Variants in PWWP3B observed in about 807,000 individuals in gnomAD.
PWWP3B encodes PWWP domain-containing DNA repair factor 3B.
A neutral mutation model predicts 15.7 loss-of-function variants in PWWP3B; 5 were observed. The ratio of observed to expected loss-of-function variants is 0.32; its 90% CI spans 0.17 to 0.67. The LOEUF (loss-of-function observed/expected upper bound fraction) is 0.67, where lower values mean the gene tolerates loss of function less well. Ranked by LOEUF, PWWP3B falls within the 30% of genes least tolerant of loss-of-function variation. The pLI is 0.74. For missense variants in PWWP3B, 519 were observed against 493.1 expected, an observed-to-expected ratio of 1.05 and a Z score of -0.50; for synonymous variants, 203 against 179.8, an observed-to-expected ratio of 1.13 and a Z score of -1.03.
chrX:106,206,011 C>G lies in PWWP3B; in HGVS notation c.579C>G (p.Cys193Trp). The part of the protein sequence containing the change: ...ETKSLQNSSW[C>W]ETFPSLSEDN... ...AGTCATTACAAAACTCTAGCTGGTG[C>G]GAGACTTTCCCTTCACTTTCGGAAG... is the stretch of plus-strand genomic sequence containing the variant. The change falls in exon 4 of 4, where the codon TGC becomes TGG. Residue 193 changes from cysteine to tryptophan, a missense_variant. Physicochemically the swap from Cys to Trp is radical, Grantham distance 215. Coordinates refer to ENST00000357175, the MANE Select transcript of PWWP3B (RefSeq NM_001171020.2). The G allele has an allele frequency of 4.1e-6, 5 of 1,207,713 alleles. No homozygotes were observed. The highest frequency in any genetic ancestry group is 5.6e-6 in the Non-Finnish European group (5 of 893,322).
At chrX:106,170,020 G>C (rs1289477689) in intron 1 of PWWP3B, among the ~76,000 whole-genome samples, 1 of 111,762 alleles carries the variant, frequency 8.9e-6, no homozygotes, top group Non-Finnish European at 1.9e-5. Context: ...CCAATTAATA[G>C]ACAGAATATT....
intron 2 of PWWP3B, among the ~76,000 whole-genome samples, chrX:106,182,245 G>T (rs780025758): frequency 8.9e-6 from 1 of 111,831 alleles, no homozygotes; most frequent in African/African-American, 3.3e-5. Flanking sequence ...GTGGTAGTAG[G>T]ATAATTAAGT....
At chrX:106,184,616 C>A (rs1270039846) in intron 2 of PWWP3B, among the ~76,000 whole-genome samples, 2 of 111,919 alleles carry the variant, frequency 1.8e-5, no homozygotes, top group East Asian at 5.6e-4. Context: ...AACTCTTGGG[C>A]TGCAGCTAAA....
rs751505691 is a variant in PWWP3B, at chrX:106,205,840, G to A, written c.408G>A (p.Lys136=). The part of the protein sequence containing the change: ...SDSPPHKKYR[K]DEGDLPGCLE... ...CACCCCCTCATAAAAAATACCGGAA[G>A]GATGAAGGTGACTTACCAGGGTGTC... is the stretch of plus-strand genomic sequence containing the variant. Residue 136 remains lysine, a synonymous_variant, in exon 4 of 4, where the codon AAG becomes AAA. Coordinates refer to ENST00000357175, the MANE Select transcript of PWWP3B (RefSeq NM_001171020.2). 3.3e-6 allele frequency: 4 copies of A among 1,211,455 alleles called. No homozygotes were observed. Among genetic ancestry groups the A allele is most frequent in the Non-Finnish European group, 4.5e-6 (4 of 895,373 alleles).
intron 2 of PWWP3B, among the ~76,000 whole-genome samples, chrX:106,193,176 G>A (rs1273696070): frequency 9.0e-6 from 1 of 111,244 alleles, no homozygotes; most frequent in Admixed American, 9.5e-5. Flanking sequence ...GGGAGTCTAA[G>A]TCTCTTCGTA....
intron 1 of PWWP3B, among the ~76,000 whole-genome samples, chrX:106,170,618 G>A (rs1356086293): frequency 3.6e-5 from 4 of 111,733 alleles, no homozygotes; most frequent in Non-Finnish European, 3.8e-5. Context: ...CTATGAGACA[G>A]CATGTAGAGT....
intron 2 of PWWP3B, among the ~76,000 whole-genome samples, chrX:106,189,958 G>A (rs1321058454): frequency 8.9e-6 from 1 of 112,544 alleles, no homozygotes; most frequent in Admixed American, 9.3e-5. Flanking sequence ...GGACATTTAG[G>A]TTGGTTCCAA....
chrX:106,191,470 A>G (rs1922955981), intron 2 of PWWP3B, among the ~76,000 whole-genome samples: 2 of 111,552 alleles, frequency 1.8e-5, no homozygotes, highest in South Asian at 7.6e-4. Flanking sequence ...TAGATATACA[A>G]TCATGTCATC....
At chrX:106,203,853 A>G (rs1356507962) in intron 2 of PWWP3B, 132 bp from the exon 3 acceptor site, 1 of 112,569 alleles carries the variant, frequency 8.9e-6, no homozygotes, top group Admixed American at 9.4e-5. Flanking sequence ...TAAACATGGC[A>G]TCTACATCAC....
Position 106,206,411 on chromosome X carries a change from G to A in PWWP3B, c.979G>A (p.Val327Ile), listed in dbSNP as rs1924027916. The A allele has an allele frequency of 1.7e-6, 2 of 1,208,252 alleles. No individual in the cohort carries two copies. The highest frequency in any genetic ancestry group is 2.2e-5 in the Admixed American group (1 of 45,487). The change falls in exon 4 of 4, where the codon GTC becomes ATC. Residue 327 changes from valine to isoleucine, a missense_variant. Physicochemically the swap from Val to Ile is conservative, Grantham distance 29. Coordinates refer to ENST00000357175, the MANE Select transcript of PWWP3B (RefSeq NM_001171020.2). ...GGTTTCATTTAGTGCCTCTAACCCT[G>A]TCTGGGATTATTCACATCTTATGAG... ...CEVSFSASNP[V>I]WDYSHLMSSE...
chrX:106,173,568 C>T (rs930655702), intron 2 of PWWP3B, among the ~76,000 whole-genome samples: 11 of 110,941 alleles, frequency 9.9e-5, no homozygotes, highest in Non-Finnish European at 1.9e-4. Flanking sequence ...CAATTATCAC[C>T]CATTGAAAAT....
At chrX:106,190,211 T>G (rs1194546906) in intron 2 of PWWP3B, among the ~76,000 whole-genome samples, 16 of 111,820 alleles carry the variant, frequency 1.4e-4, no homozygotes, top group Admixed American at 2.8e-4. Flanking sequence ...ACCTGTTGTT[T>G]CCTGACTTTT....
At chrX:106,187,520 C>T (rs1212657129) in intron 2 of PWWP3B, among the ~76,000 whole-genome samples, 1 of 111,440 alleles carries the variant, frequency 9.0e-6, no homozygotes, top group Non-Finnish European at 1.9e-5. Context: ...TACATTTTAC[C>T]AGGGATTATG....
At chrX:106,202,519 T>A (rs747689054) in intron 2 of PWWP3B, among the ~76,000 whole-genome samples, 1 of 111,234 alleles carries the variant, frequency 9.0e-6, no homozygotes, top group Admixed American at 9.6e-5. Context: ...TAGTGGAAAT[T>A]TTCCTGGACT....
rs1465264635 is a variant in PWWP3B, at chrX:106,206,066, A to G, written c.634A>G (p.Ile212Val). 8.3e-7 allele frequency: 1 copy of G among 1,210,856 alleles called. No homozygotes were observed. The highest frequency in any genetic ancestry group is 1.1e-6 in the Non-Finnish European group (1 of 894,975). ...DNDEKENKNKIDISAVMSVHS... is the reference protein window; with the variant it reads ...DNDEKENKNKVDISAVMSVHS... ...TGATGAAAAAGAGAACAAGAATAAG[A>G]TTGATATCTCAGCAGTTATGTCTGT... is the stretch of plus-strand genomic sequence containing the variant. Residue 212 changes from isoleucine (I) to valine (V), a missense_variant, in exon 4 of 4, where the codon ATT becomes GTT. Ile to Val is a conservative substitution (Grantham distance 29). Coordinates refer to ENST00000357175, the MANE Select transcript of PWWP3B (RefSeq NM_001171020.2).
chrX:106,187,530 G>A lies in PWWP3B; in HGVS notation c.-401+16391G>A, dbSNP rs1922591952. ...TCATATACATTTTACCAGGGATTATGGAGTCTCTTTGACCCTGGCAGTGAA... is the reference window on the plus strand; with the variant it reads ...TCATATACATTTTACCAGGGATTATAGAGTCTCTTTGACCCTGGCAGTGAA... On this transcript the variant is annotated intron_variant, in intron 2 of 3. Coordinates refer to ENST00000357175, the MANE Select transcript of PWWP3B (RefSeq NM_001171020.2). 2.7e-5 allele frequency among the ~76,000 whole-genome samples: 3 copies of A among 111,728 alleles called. No individual in the cohort carries two copies. The South Asian group carries it at 1.1e-3, about 42-fold the overall frequency.
chrX:106,176,936 T>C (rs1346569974), intron 2 of PWWP3B, among the ~76,000 whole-genome samples: 1 of 112,493 alleles, frequency 8.9e-6, no homozygotes, highest in African/African-American at 3.2e-5. Context: ...AATAAGGATG[T>C]AGAGGGGCTT....
chrX:106,206,591 A>T lies in PWWP3B; in HGVS notation c.1159A>T (p.Thr387Ser). The T allele has an allele frequency of 8.3e-7, 1 of 1,210,341 alleles. No homozygotes were observed. Among genetic ancestry groups the T allele is most frequent in the Non-Finnish European group, 1.1e-6 (1 of 894,662 alleles). ...ELPRFILHYE[T>S]HPFETGMIVW... ...TCCACGCTTCATTTTACATTATGAG[A>T]CACATCCGTTTGAAACAGGAATGAT... Residue 387 changes from threonine to serine, a missense_variant, in exon 4 of 4, where the codon ACA becomes TCA. By Grantham distance (58) the Thr-to-Ser change is moderately conservative. Transcript: ENST00000357175.
At chrX:106,182,648 A>T (rs889401001) in intron 2 of PWWP3B, among the ~76,000 whole-genome samples, 3 of 109,518 alleles carry the variant, frequency 2.7e-5, no homozygotes, top group Non-Finnish European at 5.7e-5. Context: ...CTATTTTCCC[A>T]TTGGAGAAAA....
Sources: allele counts gnomAD v4.1 joint callset (sites outside exome capture counted in the v4.1 genomes callset), GRCh38; gene constraint gnomAD v4.1.1; transcripts MANE v1.5; gene names NCBI Gene and HGNC (gene_info 2026-07-23, HGNC 2026-07-21).